Variants in GRIN2D observed in about 807,000 individuals in gnomAD.
GRIN2D encodes glutamate ionotropic receptor NMDA type subunit 2D.
In GRIN2D, 37 loss-of-function variants were observed where a neutral mutation model predicts 103.2. The ratio of observed to expected loss-of-function variants is 0.36; its 90% CI spans 0.28 to 0.47. The LOEUF is 0.47. GRIN2D is among the 20% of genes least tolerant of loss of function. The probability of loss-of-function intolerance (pLI) is 1.00; values close to 1 mark genes in which losing one functional copy is unlikely to be tolerated. For missense variants in GRIN2D, 1,557 were observed against 1,910.6 expected (o/e 0.81, Z 3.45); for synonymous variants, 845 against 885.6 (o/e 0.95, Z 0.81).
chr19:48,431,261 C>G (rs1368541880), intron 11 of GRIN2D, among the ~76,000 whole-genome samples: 1 of 152,232 alleles, frequency 6.6e-6, no homozygotes, highest in Non-Finnish European at 1.5e-5. Context: ...AATTCTAACT[C>G]TTTCTGGGTT....
intron 3 of GRIN2D, among the ~76,000 whole-genome samples, chr19:48,400,365 TGCAGAG>T (rs1970696548): frequency 6.6e-6 from 1 of 152,234 alleles, no homozygotes; most frequent in Admixed American, 6.5e-5. Context: ...CACTGTTGTA[TGCAGAG>T]GCTCGTAGTC....
At chr19:48,437,941 G>A (rs1971250170) in intron 11 of GRIN2D, among the ~76,000 whole-genome samples, 2 of 152,250 alleles carry the variant, frequency 1.3e-5, no homozygotes, top group South Asian at 4.1e-4. Context: ...ACGGTGGGAT[G>A]ATGAATGTCC....
intron 11 of GRIN2D, among the ~76,000 whole-genome samples, chr19:48,431,678 A>G (rs1971157437): frequency 6.7e-6 from 1 of 148,502 alleles, no homozygotes; most frequent in Non-Finnish European, 1.5e-5. Flanking sequence ...TCCACCTCCC[A>G]GGTACAAGCA....
intron 7 of GRIN2D, 146 bp from the exon 8 acceptor site, chr19:48,415,856 C>T (rs1201404418): frequency 2.8e-6 from 2 of 704,472 alleles, no homozygotes; most frequent in African/African-American, 1.7e-5. Flanking sequence ...CTTCGTCCCC[C>T]TCCTCACCCA....
In GRIN2D at chr19:48,442,850, T is replaced by G. The variant is rs1971317016; in HGVS notation, c.2924T>G (p.Leu975Arg). The change falls in exon 14 of 14, where the codon CTC becomes CGC. Residue 975 changes from leucine to arginine, a missense_variant. Transcript: ENST00000263269. The surrounding 1 kb of genome is among the most constrained non-coding windows in gnomAD (Gnocchi z 7.2). Reference sequence around the variant, plus strand: ...CCCATCGAGCCGCAGGGCCTAGGCCTCGGCCTGGGCGAAGCGCGCGCGGCA... The same window carrying G: ...CCCATCGAGCCGCAGGGCCTAGGCCGCGGCCTGGGCGAAGCGCGCGCGGCA... ...YGPIEPQGLG[L>R]GLGEARAAPR... The G allele has an allele frequency of 7.7e-5, 83 of 1,078,922 alleles. No homozygotes were observed. The highest frequency in any genetic ancestry group is 9.1e-5 in the Non-Finnish European group (81 of 892,414). 66.8% of individuals were successfully genotyped at this position (1,078,922 alleles called of 1,614,324 possible).
chr19:48,419,548 G>A (rs531208246), intron 9 of GRIN2D, 37 bp from the exon 10 acceptor site: 1 of 1,496,740 alleles, frequency 6.7e-7, no homozygotes, highest in Admixed American at 1.7e-5. Flanking sequence ...ATTGAGAAGG[G>A]ATTTGGGGTC....
rs1181755004 is a variant in GRIN2D, at chr19:48,398,784, A to G, written c.392A>G (p.Asp131Gly). 6.8e-7 allele frequency: 1 copy of G among 1,459,934 alleles called. No individual in the cohort carries two copies. Among genetic ancestry groups the G allele is most frequent in the South Asian group, 1.3e-5 (1 of 76,492 alleles). The allele number at this position is 1,459,934 out of a possible 1,614,324, so 90.4% of individuals were successfully genotyped here. The part of the protein sequence containing the change: ...SRAPAVAPIL[D>G]FLSAQTSLPI... The stretch of plus-strand genomic sequence containing the variant: ...GCGCCCGCCGTCGCGCCCATCCTCG[A>G]CTTCCTGTCGGCGCAGACCTCGCTG... The change falls in exon 3 of 14, where the codon GAC becomes GGC. Residue 131 changes from aspartate to glycine, a missense_variant. This residue lies in a region of GRIN2D where 490 missense variants were observed against 601.1 expected (regional missense o/e 0.82). Transcript: ENST00000263269.
intron 2 of GRIN2D, among the ~76,000 whole-genome samples, chr19:48,395,667 C>T (rs774078365): frequency 2.6e-5 from 4 of 152,046 alleles, no homozygotes; most frequent in Non-Finnish European, 4.4e-5. Context: ...CCTCCTCCTC[C>T]TCCCCGCTTG....
Position 48,414,241 on chromosome 19 carries a change from G to A in GRIN2D, c.1201-132G>A. On this transcript the variant is annotated intron_variant, in intron 5 of 13. Coordinates refer to ENST00000263269, the MANE Select transcript of GRIN2D (RefSeq NM_000836.4). The surrounding 1 kb of genome is among the most constrained non-coding windows in gnomAD (Gnocchi z 4.6). The stretch of plus-strand genomic sequence containing the variant: ...GGACTCCTGGGTCCTGGGATCTGAA[G>A]GTGGGAGGGGCTCCTGGGTCTTGGA... 1.1e-6 allele frequency: 1 copy of A among 906,098 alleles called. No homozygotes were observed. Among genetic ancestry groups the A allele is most frequent in the Non-Finnish European group, 1.7e-6 (1 of 577,106 alleles). The allele number at this position is 906,098 out of a possible 1,614,324, so 56.1% of individuals were successfully genotyped here.
At chr19:48,396,043 C>G (rs921638986) in intron 2 of GRIN2D, among the ~76,000 whole-genome samples, 4 of 152,052 alleles carry the variant, frequency 2.6e-5, no homozygotes, top group Admixed American at 6.5e-5. Flanking sequence ...TAGGGGATAG[C>G]GCTTCCGTCT....
At chr19:48,437,080 A>T (rs767112397) in intron 11 of GRIN2D, among the ~76,000 whole-genome samples, 1 of 152,126 alleles carries the variant, frequency 6.6e-6, no homozygotes, top group Non-Finnish European at 1.5e-5. Flanking sequence ...CCCAACCTAC[A>T]CCCAAACAAA....
chr19:48,411,734 T>A (rs1256410713), intron 4 of GRIN2D, among the ~76,000 whole-genome samples: 2 of 151,780 alleles, frequency 1.3e-5, no homozygotes. Flanking sequence ...GAACAGCATC[T>A]GCAAAGTCCT....
At chr19:48,412,421 A>AAAAGAAAGAGAG (rs1970875977) in intron 4 of GRIN2D, among the ~76,000 whole-genome samples, 1 of 123,330 alleles carries the variant, frequency 8.1e-6, no homozygotes, top group African/African-American at 3.1e-5. Flanking sequence ...AAAGAGAAAG[A>AAAAGAAAGAGAG]AAAGAAAGAA....
Position 48,419,582 on chromosome 19 carries a change from C to T in GRIN2D, c.1862-3C>T. Reference sequence around the variant, plus strand: ...TCCATGTCCACGTCCTGGCCCCCTGCAGGCCCTGGCGGTTCAACCTTCACC... The same window carrying T: ...TCCATGTCCACGTCCTGGCCCCCTGTAGGCCCTGGCGGTTCAACCTTCACC... On this transcript the variant is annotated splice_region_variant and splice_polypyrimidine_tract_variant and intron_variant, in intron 9 of 13. Coordinates refer to ENST00000263269, the MANE Select transcript of GRIN2D (RefSeq NM_000836.4). 6.2e-7 allele frequency: 1 copy of T among 1,608,246 alleles called. No homozygotes were observed. Among genetic ancestry groups the T allele is most frequent in the Non-Finnish European group, 8.5e-7 (1 of 1,175,372 alleles).
At chr19:48,436,580 G>A (rs150487401) in intron 11 of GRIN2D, among the ~76,000 whole-genome samples, 2 of 152,338 alleles carry the variant, frequency 1.3e-5, no homozygotes, top group East Asian at 3.9e-4. Flanking sequence ...TTAGGAAAGG[G>A]CTAGTATCGA....
At chr19:48,404,165 G>A (rs566102188) in intron 3 of GRIN2D, among the ~76,000 whole-genome samples, 35 of 151,956 alleles carry the variant, frequency 2.3e-4, no homozygotes, top group Admixed American at 9.2e-4. Context: ...GCTTGAACCC[G>A]GGAGGCGGAT....
intron 3 of GRIN2D, among the ~76,000 whole-genome samples, chr19:48,402,765 C>CAAGAGA (rs1555891882): frequency 9.2e-6 from 1 of 108,964 alleles, no homozygotes; most frequent in Non-Finnish European, 1.8e-5. Context: ...TACTCCTTTA[C>CAAGAGA]GAGAGAGAGA....
chr19:48,412,315 C>T (rs1278643202), intron 4 of GRIN2D, among the ~76,000 whole-genome samples: 3 of 145,430 alleles, frequency 2.1e-5, no homozygotes, highest in African/African-American at 5.1e-5. Context: ...GGCGACAGAG[C>T]GAGACTCTGT....
At chr19:48,420,082 T>C (rs1971001585) in intron 10 of GRIN2D, among the ~76,000 whole-genome samples, 1 of 152,090 alleles carries the variant, frequency 6.6e-6, no homozygotes, top group Admixed American at 6.6e-5. Context: ...TTGTGTCAAA[T>C]AGGATATTCT....
Sources: gnomAD v4.1 joint callset for allele counts (sites outside exome capture counted in the v4.1 genomes callset) on GRCh38, gnomAD v4.1.1 for gene constraint, gnomAD v4.1.1 regional missense constraint, Gnocchi (gnomAD v3.1) non-coding constraint, MANE v1.5 for transcripts, NCBI Gene and HGNC (gene_info 2026-07-23, HGNC 2026-07-21) for gene names.